VPS13C: variants seen among roughly 807,000 people sequenced by gnomAD.
VPS13C encodes intermembrane lipid transfer protein VPS13C.
Under a neutral mutation model 456.8 loss-of-function variants are expected in VPS13C, and 358 were observed. That is an observed-to-expected ratio of 0.78 (90% CI 0.72 to 0.86). VPS13C has a LOEUF of 0.86. Ranked by LOEUF, VPS13C falls within the 40% of genes least tolerant of loss-of-function variation. The pLI is 0.00. For synonymous variants in VPS13C, 1,578 were observed against 1,486.7 expected, an observed-to-expected ratio of 1.06 and a Z score of -1.41; for missense variants, 4,818 against 4,385.4, an observed-to-expected ratio of 1.10 and a Z score of -2.79.
intron 15 of VPS13C, among the ~76,000 whole-genome samples, chr15:62,004,659 G>C (rs1305110368): frequency 3.3e-5 from 5 of 151,640 alleles, no homozygotes; most frequent in Admixed American, 1.3e-4. Flanking sequence ...TGGGCATTTG[G>C]TGCTATAAAT....
At chr15:61,913,182 T>C in intron 62 of VPS13C, 129 bp downstream of exon 62, 1 of 759,546 alleles carries the variant, frequency 1.3e-6, no homozygotes, top group Non-Finnish European at 2.2e-6. Flanking sequence ...CATTACTGGG[T>C]ATATACCCAA....
chr15:61,911,990 G>C lies in VPS13C; in HGVS notation c.8565C>G (p.Ile2855Met), dbSNP rs1456685653. ...NNMEYLVGVSIKMSSFNLSRI... is the reference protein window; with the variant it reads ...NNMEYLVGVSMKMSSFNLSRI... ...GTGAAAGGTTGAAACTGCTCATTTTGATGCTAACACCAACCTGTGGAAAGG... is the reference window on the plus strand; with the variant it reads ...GTGAAAGGTTGAAACTGCTCATTTTCATGCTAACACCAACCTGTGGAAAGG... Residue 2855 changes from isoleucine (I) to methionine (M), a missense_variant, in exon 63 of 85, where the codon ATC becomes ATG. Coordinates refer to ENST00000644861, the MANE Select transcript of VPS13C (RefSeq NM_020821.3). 3.1e-6 allele frequency: 5 copies of C among 1,602,350 alleles called. No individual in the cohort carries two copies. The highest frequency in any genetic ancestry group is 1.1e-5 in the South Asian group (1 of 88,034).
intron 79 of VPS13C, among the ~76,000 whole-genome samples, chr15:61,871,514 C>T (rs1168357536): frequency 6.6e-6 from 1 of 152,032 alleles, no homozygotes; most frequent in Non-Finnish European, 1.5e-5. Context: ...TGTAGCTTTA[C>T]AGTAAGTTTT....
chr15:61,899,483 C>A (rs983390904), intron 66 of VPS13C, among the ~76,000 whole-genome samples: 1 of 152,126 alleles, frequency 6.6e-6, no homozygotes, highest in African/African-American at 2.4e-5. Flanking sequence ...ACTATAAACA[C>A]CTCTATGCAA....
rs541509687 is a variant in VPS13C at position 62,051,479 on chromosome 15, C to G, written c.101-7224G>C. On this transcript the variant is annotated intron_variant, in intron 1 of 84. Transcript: ENST00000644861. ...TGGCAACCTAATAGTAAGTGGCAGT[C>G]TCAAGGCTCAAATCTTATAAAACTC... 1.1e-4 allele frequency among the ~76,000 whole-genome samples: 17 copies of G among 152,304 alleles called. No individual in the cohort carries two copies. The South Asian group carries it at 3.5e-3, about 32-fold the overall frequency.
At chr15:61,993,866 T>C (rs916353814) in intron 16 of VPS13C, among the ~76,000 whole-genome samples, 2 of 152,148 alleles carry the variant, frequency 1.3e-5, no homozygotes, top group East Asian at 1.9e-4. Flanking sequence ...CTATATTATG[T>C]AGATGTAAGC....
chr15:61,954,638 G>T, intron 37 of VPS13C, 84 bp from the exon 38 acceptor site: 1 of 1,368,892 alleles, frequency 7.3e-7, no homozygotes, highest in Non-Finnish European at 9.7e-7. Context: ...GAGTATTCTG[G>T]ACCTGGTAGA....
chr15:62,034,577 A>T (rs2047921984), intron 4 of VPS13C, among the ~76,000 whole-genome samples: 1 of 151,794 alleles, frequency 6.6e-6, no homozygotes, highest in Non-Finnish European at 1.5e-5. Flanking sequence ...AATAGGAAAA[A>T]AAATAAATTT....
chr15:61,976,955 T>G lies in VPS13C; in HGVS notation c.2408+127A>C, dbSNP rs541071402. On this transcript the variant is annotated intron_variant, in intron 24 of 84. Transcript: ENST00000644861. ...CATTTTCTTAAAAATGTATTTCTGC[T>G]GCAAATTGGAATAATCATTTTTGCT... is the stretch of plus-strand genomic sequence containing the variant. The G allele has an allele frequency of 1.6e-4, 99 of 602,560 alleles. No homozygotes were observed. The East Asian group carries it at 3.0e-3, about 18-fold the overall frequency. The allele number at this position is 602,560 out of a possible 1,614,324, so 37.3% of individuals were successfully genotyped here. A position where few individuals can be genotyped will look rare whatever the true frequency, so the allele number is the denominator to read the frequency against.
intron 5 of VPS13C, among the ~76,000 whole-genome samples, chr15:62,029,584 A>C (rs1040946387): frequency 8.6e-5 from 13 of 152,040 alleles, no homozygotes; most frequent in African/African-American, 1.2e-4. Context: ...ACTCCCATAA[A>C]ACTGTCTGTA....
chr15:61,900,577 G>C (rs1188271827), intron 66 of VPS13C, among the ~76,000 whole-genome samples: 2 of 151,850 alleles, frequency 1.3e-5, no homozygotes, highest in East Asian at 3.9e-4. Context: ...TCTTCAAGGA[G>C]AACTACAAAC....
At position 61,917,515 on chromosome 15, in the gene VPS13C, ACACTG is replaced by A. The variant is rs2043510723; in HGVS notation, c.7876_7880del (p.Gln2626SerfsTer19). 2 of 1,613,920 alleles carry A rather than the reference ACACTG, an allele frequency of 1.2e-6. No individual in the cohort carries two copies. Among genetic ancestry groups the A allele is most frequent in the Non-Finnish European group, 1.7e-6 (2 of 1,179,918 alleles). The stretch of plus-strand genomic sequence containing the variant: ...GTAAGAAGCTGACTTCTACTGATGG[ACACTG>A]CAACATGCATCTGACTTCCCTGCTC... On this transcript the variant is annotated frameshift_variant, in exon 60 of 85. Coordinates refer to ENST00000644861, the MANE Select transcript of VPS13C (RefSeq NM_020821.3). LOFTEE classifies it high-confidence loss of function.
At chr15:61,994,214 C>T (rs901141756) in intron 16 of VPS13C, among the ~76,000 whole-genome samples, 5 of 152,182 alleles carry the variant, frequency 3.3e-5, no homozygotes, top group African/African-American at 1.2e-4. Context: ...TTCTCTTCTA[C>T]ATCCATCCTT....
At chr15:61,962,666 G>T in intron 33 of VPS13C, 83 bp downstream of exon 33, 1 of 1,304,106 alleles carries the variant, frequency 7.7e-7, no homozygotes, top group Non-Finnish European at 1.0e-6. Context: ...TTTCATTAAT[G>T]TTTTTAAAAT....
At chr15:62,049,534 C>A (rs947373399) in intron 1 of VPS13C, among the ~76,000 whole-genome samples, 9 of 152,154 alleles carry the variant, frequency 5.9e-5, no homozygotes, top group Non-Finnish European at 1.2e-4. Context: ...AGTCAGGTAG[C>A]GTGATGTCTC....
rs756718375 is a variant in VPS13C, at chr15:61,880,700, A to C, written c.9911T>G (p.Ile3304Ser). Residue 3304 changes from isoleucine (I) to serine (S), a missense_variant, in exon 73 of 85, where the codon ATT becomes AGT. By Grantham distance (142) the Ile-to-Ser change is moderately radical. Around this residue, in one of 3 missense-constraint regions of VPS13C, gnomAD observed 4,552 missense variants for 4,130.6 expected, o/e 1.10. Transcript: ENST00000644861. ...CATTAATTCTGCATTTAGAGCATCA[A>C]TATCTTGTTGGATTAACTTTGTCTG... ...RRRTKLIQQD[I>S]DALNAELMET... 2 of 1,589,648 alleles carry C rather than the reference A, an allele frequency of 1.3e-6. No homozygotes were observed. The highest frequency in any genetic ancestry group is 1.7e-6 in the Non-Finnish European group (2 of 1,170,662).
chr15:61,864,031 C>G (rs1323955161), intron 81 of VPS13C: 3 of 152,260 alleles, frequency 2.0e-5, no homozygotes, highest in Non-Finnish European at 2.9e-5. Flanking sequence ...AGAGGGGGGT[C>G]TGTGATCTCA....
rs112269300 is a variant in VPS13C, at chr15:61,882,533, G to T, written c.9624+63C>A. ...ATGTAAACTATATAGTTGTAAAAAAGAAATTTCATTCCCAAGATTCCCAAA... is the reference window on the plus strand; with the variant it reads ...ATGTAAACTATATAGTTGTAAAAAATAAATTTCATTCCCAAGATTCCCAAA... On this transcript the variant is annotated intron_variant, in intron 69 of 84. Transcript: ENST00000644861. 2.2e-4 allele frequency: 309 copies of T among 1,395,812 alleles called. 2 individuals carry two copies. The African/African-American group carries it at 4.0e-3, about 18-fold the overall frequency. The allele number at this position is 1,395,812 out of a possible 1,614,324, so 86.5% of individuals were successfully genotyped here.
At chr15:62,018,853 G>A (rs2047355004) in intron 9 of VPS13C, among the ~76,000 whole-genome samples, 1 of 152,166 alleles carries the variant, frequency 6.6e-6, no homozygotes, top group South Asian at 2.1e-4. Flanking sequence ...AATAGTTTCA[G>A]AAGGAATGGT....
Sources: allele counts gnomAD v4.1 joint callset (sites outside exome capture counted in the v4.1 genomes callset), GRCh38; gene constraint gnomAD v4.1.1; regional missense constraint gnomAD v4.1.1; transcripts MANE v1.5; gene names NCBI Gene and HGNC (gene_info 2026-07-23, HGNC 2026-07-21).